STPG2: variants seen among roughly 807,000 people sequenced by gnomAD.
STPG2 encodes the protein sperm-tail PG-rich repeat-containing protein 2.
In STPG2, 56 loss-of-function variants were observed where a neutral mutation model predicts 54.2. That is an observed-to-expected ratio of 1.03 (90% CI 0.83 to 1.29). The LOEUF (loss-of-function observed/expected upper bound fraction) is 1.29, where lower values mean the gene tolerates loss of function less well. STPG2 is among the 50% of genes most tolerant of loss of function. The pLI, the probability that STPG2 is intolerant of heterozygous loss-of-function variation, is 0.00. For synonymous variants in STPG2, 200 were observed against 181.8 expected (o/e 1.10, Z -0.81); for missense variants, 596 against 544.9 (o/e 1.09, Z -0.93).
chr4:97,514,848 A>T (rs1211508993), intron 4 of STPG2, among the ~76,000 whole-genome samples: 1 of 151,958 alleles, frequency 6.6e-6, no homozygotes, highest in Non-Finnish European at 1.5e-5. Flanking sequence ...ACTTAACATT[A>T]CCTCGCAAAG....
At chr4:97,786,715 G>T (rs1009088303) in intron 9 of STPG2, among the ~76,000 whole-genome samples, 2 of 151,792 alleles carry the variant, frequency 1.3e-5, no homozygotes, top group Non-Finnish European at 2.9e-5. Context: ...TGCTATACAG[G>T]CTAATATGCC....
At position 98,022,847 on chromosome 4, in the gene STPG2, G is replaced by A. The variant is rs766418398; in HGVS notation, c.613-41529C>T. On this transcript the variant is annotated intron_variant, in intron 5 of 10. Coordinates refer to ENST00000295268, the MANE Select transcript of STPG2 (RefSeq NM_174952.3). The stretch of plus-strand genomic sequence containing the variant: ...CTTCTGCATTCTTCACGTAGTTCTC[G>A]AGCGTTGGCTTTCAGCTCCATCAGC... 3.3e-5 allele frequency among the ~76,000 whole-genome samples: 5 copies of A among 152,188 alleles called. No individual in the cohort carries two copies. In the South Asian group the frequency reaches 8.3e-4, roughly 25 times the overall value.
At chr4:98,096,175 G>T (rs2110131194) in intron 5 of STPG2, among the ~76,000 whole-genome samples, 1 of 152,222 alleles carries the variant, frequency 6.6e-6, no homozygotes, top group Non-Finnish European at 1.5e-5. Context: ...CAGGAGGATT[G>T]CTTGAACCCA....
intron 10 of STPG2, among the ~76,000 whole-genome samples, chr4:97,560,178 G>A (rs1486953671): frequency 1.3e-5 from 2 of 152,130 alleles, no homozygotes; most frequent in African/African-American, 4.8e-5. Flanking sequence ...ATGAGTCTGA[G>A]TCAAAATTCT....
chr4:97,542,648 T>C lies in STPG2; in HGVS notation c.462+170051A>G, dbSNP rs1397230003. ...TATATCCAAAGCAATATAAATCATG[T>C]TGCTATAAAGACACATGCACACGTA... On this transcript the variant is annotated intron_variant, in intron 4 of 4. Transcript: ENST00000522676. Among the ~76,000 whole-genome samples, 32 of 152,156 alleles carry C rather than the reference T, an allele frequency of 2.1e-4. 1 individual carries two copies. The highest frequency in any genetic ancestry group is 7.5e-4 in the African/African-American group (31 of 41,542).
At chr4:97,922,658 C>A (rs1451670754) in intron 8 of STPG2, among the ~76,000 whole-genome samples, 1 of 152,150 alleles carries the variant, frequency 6.6e-6, no homozygotes, top group Non-Finnish European at 1.5e-5. Flanking sequence ...ATCTGCAAAC[C>A]ATATTTATGC....
intron 7 of STPG2, among the ~76,000 whole-genome samples, chr4:97,956,241 A>G (rs1733668236): frequency 6.6e-6 from 1 of 152,174 alleles, no homozygotes; most frequent in African/African-American, 2.4e-5. Context: ...CAATACATGA[A>G]TGCTTATTGT....
At chr4:98,115,770 G>C (rs1739500243) in intron 3 of STPG2, among the ~76,000 whole-genome samples, 1 of 151,992 alleles carries the variant, frequency 6.6e-6, no homozygotes, top group South Asian at 2.1e-4. Context: ...TTTGGCAGTA[G>C]TTTGTGAAGA....
chr4:97,491,078 T>C (rs114791492), intron 4 of STPG2, among the ~76,000 whole-genome samples: 2,115 of 151,632 alleles, frequency 0.014, 41 homozygotes, highest in African/African-American at 0.048. Context: ...CTAACTCTGG[T>C]GAGGTGTTAA....
intron 3 of STPG2, among the ~76,000 whole-genome samples, chr4:98,115,534 TA>T (rs1471580317): frequency 1.3e-5 from 2 of 152,008 alleles, no homozygotes; most frequent in Non-Finnish European, 2.9e-5. Context: ...CTTAATTCTG[TA>T]TTTAAGCTTT....
intron 10 of STPG2, among the ~76,000 whole-genome samples, chr4:97,661,157 T>G (rs1190767400): frequency 6.6e-6 from 1 of 152,166 alleles, no homozygotes; most frequent in African/African-American, 2.4e-5. Context: ...AATGATTCCG[T>G]GGGTAATATA....
chr4:97,574,015 G>T, intron 10 of STPG2, among the ~76,000 whole-genome samples: 1 of 152,024 alleles, frequency 6.6e-6, no homozygotes, highest in East Asian at 1.9e-4. Flanking sequence ...GATTCAACAA[G>T]TTTTCTTACG....
chr4:98,091,269 C>G (rs1345899980), intron 5 of STPG2, among the ~76,000 whole-genome samples: 1 of 151,938 alleles, frequency 6.6e-6, no homozygotes, highest in Admixed American at 6.6e-5. Flanking sequence ...CTCTCAGATC[C>G]CATCCATTTG....
intron 10 of STPG2, among the ~76,000 whole-genome samples, chr4:97,565,747 G>A (rs990355347): frequency 8.5e-5 from 13 of 152,128 alleles, no homozygotes; most frequent in South Asian, 2.1e-4. Flanking sequence ...GCAGAACAGC[G>A]GATTTTCGTG....
At chr4:97,446,654 G>A (rs1729229305) in intron 4 of STPG2, among the ~76,000 whole-genome samples, 1 of 152,096 alleles carries the variant, frequency 6.6e-6, no homozygotes, top group African/African-American at 2.4e-5. Context: ...TCATGACATT[G>A]ACTAAGTTCT....
intron 9 of STPG2, among the ~76,000 whole-genome samples, chr4:97,835,114 G>T (rs150346425): frequency 6.6e-6 from 1 of 152,004 alleles, no homozygotes; most frequent in South Asian, 2.1e-4. Flanking sequence ...ATAGGAGGTC[G>T]ACACAAGATA....
Position 97,995,170 on chromosome 4 carries a change from AC to A in STPG2, c.613-13853del, listed in dbSNP as rs758426062. 5.7e-4 allele frequency among the ~76,000 whole-genome samples: 22 copies of A among 38,756 alleles called. 1 individual carries two copies. In the East Asian group the frequency reaches 0.015, roughly 26 times the overall value. 25.4% of individuals were successfully genotyped at this position (38,756 alleles called of 152,430 possible). On this transcript the variant is annotated intron_variant, in intron 5 of 10. Coordinates refer to ENST00000295268, the MANE Select transcript of STPG2 (RefSeq NM_174952.3). The stretch of plus-strand genomic sequence containing the variant: ...GTCTCACTCCCACCATTGCCCCCTC[AC>A]CCCCCCACCCCCTGCAATAGCACTG...
intron 9 of STPG2, among the ~76,000 whole-genome samples, chr4:97,781,559 G>C (rs189828698): frequency 6.6e-6 from 1 of 152,234 alleles, no homozygotes; most frequent in Admixed American, 6.5e-5. Context: ...AGAAAAAGAA[G>C]AAATCCTCCC....
At chr4:97,785,890 G>T (rs1436936162) in intron 9 of STPG2, among the ~76,000 whole-genome samples, 2 of 151,916 alleles carry the variant, frequency 1.3e-5, no homozygotes, top group Non-Finnish European at 2.9e-5. Context: ...ATGAGAATCA[G>T]CAGGGAGAGT....
Sources: gnomAD v4.1 joint callset for allele counts (sites outside exome capture counted in the v4.1 genomes callset) on GRCh38, gnomAD v4.1.1 for gene constraint, MANE v1.5 for transcripts, NCBI Gene and HGNC (gene_info 2026-07-23, HGNC 2026-07-21) for gene names.